The following SMYD3 variants were observed in gnomAD, a reference collection of about 807,000 sequenced individuals.
SMYD3 encodes the protein histone-lysine N-methyltransferase SMYD3.
A neutral mutation model predicts 57.7 loss-of-function variants in SMYD3; 36 were observed. The observed-to-expected ratio is 0.62, with a 90% CI of 0.48 to 0.82. SMYD3 has a LOEUF of 0.82. Ranked by LOEUF, SMYD3 falls within the 40% of genes least tolerant of loss-of-function variation. The pLI, the probability that SMYD3 is intolerant of heterozygous loss-of-function variation, is 0.00. For missense variants in SMYD3, 515 were observed against 538.8 expected (o/e 0.96, Z 0.44); for synonymous variants, 211 against 195.0 (o/e 1.08, Z -0.68).
At chr1:245,999,713 G>A (rs2059002132) in intron 5 of SMYD3, among the ~76,000 whole-genome samples, 1 of 152,170 alleles carries the variant, frequency 6.6e-6, no homozygotes, top group Admixed American at 6.5e-5. Flanking sequence ...CCAACATACT[G>A]CATTCTTATT....
chr1:246,193,642 T>G (rs191027506), intron 5 of SMYD3: 35 of 152,418 alleles, frequency 2.3e-4, no homozygotes, highest in African/African-American at 8.4e-4. Context: ...CTAGTCATAA[T>G]CAGCAGAAAG....
At chr1:246,218,299 A>G (rs1366755033) in intron 5 of SMYD3, among the ~76,000 whole-genome samples, 2 of 152,040 alleles carry the variant, frequency 1.3e-5, no homozygotes, top group African/African-American at 2.4e-5. Flanking sequence ...AGAGGGAGAT[A>G]AGAGAGAGAA....
intron 5 of SMYD3, among the ~76,000 whole-genome samples, chr1:246,063,823 A>G (rs1488321249): frequency 6.6e-6 from 1 of 152,050 alleles, no homozygotes; most frequent in East Asian, 1.9e-4. Flanking sequence ...CATTTTTAGT[A>G]GAGACAGGGT....
In SMYD3 at chr1:246,125,058, C is replaced by T. The variant is rs376459662; in HGVS notation, c.532-195121G>A. Among the ~76,000 whole-genome samples the T allele has an allele frequency of 2.5e-4, 25 of 98,968 alleles. No homozygotes were observed. In the East Asian group the frequency reaches 8.3e-3, roughly 33 times the overall value. 64.9% of individuals were successfully genotyped at this position (98,968 alleles called of 152,430 possible). A position where few individuals can be genotyped will look rare whatever the true frequency, so the allele number is the denominator to read the frequency against. ...CTGCACTCCAGCCTGGGCGACAGAG[C>T]GAGACTCCGTCTCAAAAAAAAAAAA... On this transcript the variant is annotated intron_variant, in intron 5 of 11. Transcript: ENST00000490107.
intron 5 of SMYD3, among the ~76,000 whole-genome samples, chr1:246,053,229 T>A (rs1018770576): frequency 6.6e-6 from 1 of 152,104 alleles, no homozygotes; most frequent in African/African-American, 2.4e-5. Context: ...GGACATACCA[T>A]GTTCACGATT....
intron 8 of SMYD3, among the ~76,000 whole-genome samples, chr1:245,914,685 TA>T (rs936492191): frequency 6.6e-6 from 1 of 152,164 alleles, no homozygotes; most frequent in Non-Finnish European, 1.5e-5. Flanking sequence ...TGCAGCACTG[TA>T]GGGGGATATG....
chr1:245,894,931 G>A (rs9728787), intron 8 of SMYD3, among the ~76,000 whole-genome samples: 2,506 of 152,284 alleles, frequency 0.016, 53 homozygotes, highest in East Asian at 0.048. Context: ...GACATAACAG[G>A]GCCACGTGAA....
intron 5 of SMYD3, among the ~76,000 whole-genome samples, chr1:245,949,361 C>T (rs2057537940): frequency 6.6e-6 from 1 of 152,176 alleles, no homozygotes; most frequent in Non-Finnish European, 1.5e-5. Context: ...TCCCTGTCCC[C>T]AGCAAAATTT....
At chr1:245,811,793 C>G (rs772586517) in intron 10 of SMYD3, among the ~76,000 whole-genome samples, 3 of 152,090 alleles carry the variant, frequency 2.0e-5, no homozygotes, top group Non-Finnish European at 2.9e-5. Flanking sequence ...GGATACTGTT[C>G]CATTAATCTT....
intron 5 of SMYD3, among the ~76,000 whole-genome samples, chr1:246,011,359 C>T (rs1423969757): frequency 6.6e-6 from 1 of 152,186 alleles, no homozygotes; most frequent in Non-Finnish European, 1.5e-5. Flanking sequence ...GAATCATCAG[C>T]TGGTGTCAAT....
intron 8 of SMYD3, among the ~76,000 whole-genome samples, chr1:245,912,896 A>G (rs1341275088): frequency 6.6e-6 from 1 of 152,206 alleles, no homozygotes; most frequent in African/African-American, 2.4e-5. Flanking sequence ...CTATAATACT[A>G]AAAGAAAACA....
chr1:245,933,920 A>C (rs2056861772), intron 5 of SMYD3, among the ~76,000 whole-genome samples: 1 of 152,194 alleles, frequency 6.6e-6, no homozygotes, highest in Non-Finnish European at 1.5e-5. Flanking sequence ...CTACACCATA[A>C]GACAAGAACC....
At chr1:246,380,031 GA>G (rs1033739825) in intron 1 of SMYD3, among the ~76,000 whole-genome samples, 5 of 141,724 alleles carry the variant, frequency 3.5e-5, no homozygotes, top group African/African-American at 1.1e-4. Flanking sequence ...AAGAAAGAAA[GA>G]AAAAAAAAAG....
At chr1:246,179,358 G>A (rs765667677) in intron 5 of SMYD3, among the ~76,000 whole-genome samples, 3 of 152,172 alleles carry the variant, frequency 2.0e-5, no homozygotes, top group Non-Finnish European at 4.4e-5. Context: ...GTGATGAGGG[G>A]TCCTGATCTC....
At chr1:246,241,938 AC>A (rs1332000884) in intron 5 of SMYD3, among the ~76,000 whole-genome samples, 1 of 151,772 alleles carries the variant, frequency 6.6e-6, no homozygotes, top group Admixed American at 6.6e-5. Flanking sequence ...CAGTGGTGAT[AC>A]CCCCTTTATC....
At chr1:245,970,520 G>C (rs749036258) in intron 5 of SMYD3, among the ~76,000 whole-genome samples, 4 of 152,064 alleles carry the variant, frequency 2.6e-5, no homozygotes, top group Non-Finnish European at 4.4e-5. Flanking sequence ...GAGGAAACAG[G>C]CAACCTACAG....
At chr1:246,293,573 G>A (rs151002079) in intron 5 of SMYD3, among the ~76,000 whole-genome samples, 153 of 152,170 alleles carry the variant, frequency 1.0e-3, no homozygotes, top group Non-Finnish European at 1.2e-3. Context: ...ACTACTCCAA[G>A]AAAACCCCTC....
chr1:246,275,147 G>A lies in SMYD3; in HGVS notation c.531+52054C>T, dbSNP rs368716386. 1.7e-4 allele frequency among the ~76,000 whole-genome samples: 26 copies of A among 152,252 alleles called. No individual in the cohort carries two copies. In the East Asian group the frequency reaches 4.4e-3, roughly 26 times the overall value. On this transcript the variant is annotated intron_variant, in intron 5 of 11. Transcript: ENST00000490107. ...GAACAGTGAAGACAAAATACAATGCGCAAGAGCAGGGGCAGGCAACTGTTT... is the reference window on the plus strand; with the variant it reads ...GAACAGTGAAGACAAAATACAATGCACAAGAGCAGGGGCAGGCAACTGTTT...
At position 245,817,653 on chromosome 1, in the gene SMYD3, A is replaced by C. The variant is rs1274361049; in HGVS notation, c.1076+40843T>G. Among the ~76,000 whole-genome samples the C allele has an allele frequency of 9.9e-5, 15 of 151,742 alleles. No homozygotes were observed. In the South Asian group the frequency reaches 2.9e-3, roughly 29 times the overall value. Reference sequence around the variant, plus strand: ...CAAAGAAGTTGAAAACTTTGAAAAAAATTTAGAAGAATGTATAACTAGAAT... The same window carrying C: ...CAAAGAAGTTGAAAACTTTGAAAAACATTTAGAAGAATGTATAACTAGAAT... On this transcript the variant is annotated intron_variant, in intron 10 of 11. Transcript: ENST00000490107.
Sources: allele counts gnomAD v4.1 joint callset (sites outside exome capture counted in the v4.1 genomes callset), GRCh38; gene constraint gnomAD v4.1.1; transcripts MANE v1.5; gene names NCBI Gene and HGNC (gene_info 2026-07-23, HGNC 2026-07-21).